KIAA1217: variants seen among roughly 807,000 people sequenced by gnomAD.
KIAA1217 encodes the protein sickle tail protein homolog.
A neutral mutation model predicts 163.9 loss-of-function variants in KIAA1217; 88 were observed. That is an observed-to-expected ratio of 0.54 (90% CI 0.45 to 0.64). The LOEUF (loss-of-function observed/expected upper bound fraction) is 0.64. KIAA1217 is among the 30% of genes least tolerant of loss of function. The probability of loss-of-function intolerance (pLI) is 0.00; values close to 1 mark genes in which losing one functional copy is unlikely to be tolerated. For synonymous variants in KIAA1217, 903 were observed against 923.1 expected, an observed-to-expected ratio of 0.98 and a Z score of 0.39; for missense variants, 2,372 against 2,475.0, an observed-to-expected ratio of 0.96 and a Z score of 0.88.
intron 2 of KIAA1217, among the ~76,000 whole-genome samples, chr10:24,172,868 C>G (rs976677189): frequency 6.6e-6 from 1 of 152,232 alleles, no homozygotes; most frequent in Admixed American, 6.5e-5. Context: ...GACTGTCTGG[C>G]TCATTCCTAA....
intron 1 of KIAA1217, among the ~76,000 whole-genome samples, chr10:23,774,867 T>C (rs951380727): frequency 3.9e-5 from 6 of 152,220 alleles, no homozygotes; most frequent in East Asian, 1.9e-4. Context: ...TTAACATTTT[T>C]TAACAATGTA....
rs367702591 is a variant in KIAA1217 at position 24,329,849 on chromosome 10, G to T, written c.355-51020G>T. ...AGAAATCATAATGGAAAGAGGCTAG[G>T]AATATACACAAAGCCAGCACTGTCT... On this transcript the variant is annotated intron_variant, in intron 2 of 20. Coordinates refer to ENST00000376454, the MANE Select transcript of KIAA1217 (RefSeq NM_019590.5). Among the ~76,000 whole-genome samples the T allele has an allele frequency of 9.2e-5, 14 of 152,224 alleles. No homozygotes were observed. In the East Asian group the frequency reaches 1.4e-3, roughly 15 times the overall value.
At chr10:24,544,599 T>C (rs2075496012) in intron 19 of KIAA1217, 118 bp downstream of exon 19, 2 of 1,261,548 alleles carry the variant, frequency 1.6e-6, no homozygotes, top group Middle Eastern at 2.8e-4. Flanking sequence ...CTTTTTTTTT[T>C]TTGTCTGTTC....
intron 9 of KIAA1217, among the ~76,000 whole-genome samples, chr10:24,503,470 A>G (rs1253941160): frequency 6.6e-6 from 1 of 152,234 alleles, no homozygotes; most frequent in Non-Finnish European, 1.5e-5. Flanking sequence ...AGGGGGTGAC[A>G]AAGTCACATG....
At chr10:23,986,378 G>A (rs1301861896) in intron 1 of KIAA1217, among the ~76,000 whole-genome samples, 1 of 152,192 alleles carries the variant, frequency 6.6e-6, no homozygotes, top group East Asian at 1.9e-4. Context: ...GGATCCTCCA[G>A]TGAATACCAA....
chr10:23,951,824 T>A (rs1844349578), intron 1 of KIAA1217, among the ~76,000 whole-genome samples: 2 of 152,198 alleles, frequency 1.3e-5, no homozygotes, highest in South Asian at 4.1e-4. Context: ...AATTCCTGCC[T>A]AGTATCCTTC....
At chr10:24,075,688 C>T (rs1489139196) in intron 2 of KIAA1217, among the ~76,000 whole-genome samples, 1 of 151,536 alleles carries the variant, frequency 6.6e-6, no homozygotes, top group Non-Finnish European at 1.5e-5. Context: ...ACTGCTACCT[C>T]TGCCTCCTGG....
chr10:24,188,706 C>T (rs1377715847), intron 2 of KIAA1217, among the ~76,000 whole-genome samples: 1 of 152,132 alleles, frequency 6.6e-6, no homozygotes, highest in African/African-American at 2.4e-5. Flanking sequence ...TTTCAGGAGT[C>T]AGCTATTGAA....
chr10:23,991,404 C>G (rs926606862), intron 1 of KIAA1217, among the ~76,000 whole-genome samples: 1 of 152,142 alleles, frequency 6.6e-6, no homozygotes, highest in Non-Finnish European at 1.5e-5. Context: ...TTAGTGGGAA[C>G]ACGAAAGTAC....
At chr10:24,314,812 C>T (rs561781156) in intron 2 of KIAA1217, among the ~76,000 whole-genome samples, 67 of 152,174 alleles carry the variant, frequency 4.4e-4, no homozygotes, top group African/African-American at 1.6e-3. Flanking sequence ...GGCGTGGTGG[C>T]AGGCCCCTGT....
intron 2 of KIAA1217, among the ~76,000 whole-genome samples, chr10:24,156,436 T>C (rs886117305): frequency 2.0e-5 from 3 of 152,358 alleles, no homozygotes; most frequent in East Asian, 3.9e-4. Context: ...AACATTCACA[T>C]AGAGTTTCTA....
At chr10:24,126,022 G>A (rs2063461045) in intron 2 of KIAA1217, among the ~76,000 whole-genome samples, 1 of 151,996 alleles carries the variant, frequency 6.6e-6, no homozygotes, top group South Asian at 2.1e-4. Context: ...AGCTCATTGT[G>A]GATCTATACT....
intron 2 of KIAA1217, among the ~76,000 whole-genome samples, chr10:24,053,808 T>C (rs559754143): frequency 1.4e-3 from 209 of 152,226 alleles, no homozygotes; most frequent in Non-Finnish European, 2.2e-3. Context: ...TATATTTATA[T>C]ACAAAATGGC....
At chr10:24,364,844 C>T (rs763784627) in intron 2 of KIAA1217, among the ~76,000 whole-genome samples, 1 of 151,010 alleles carries the variant, frequency 6.6e-6, no homozygotes, top group Non-Finnish European at 1.5e-5. Flanking sequence ...AGCTGGAGTA[C>T]GTTGGTGTGA....
intron 2 of KIAA1217, among the ~76,000 whole-genome samples, chr10:24,232,935 C>CAAAAAAAAAAAAAAAAAAAAAAAAAAA (rs908492411): frequency 3.6e-5 from 2 of 56,318 alleles, no homozygotes; most frequent in Non-Finnish European, 3.0e-5. Context: ...CTTATCTCTA[C>CAAAAAAAAAAAAAAAAAAAAAAAAAAA]AAAAAAAAAA....
At chr10:24,334,438 TGGAA>T (rs60016533) in intron 2 of KIAA1217, among the ~76,000 whole-genome samples, 1,127 of 82,270 alleles carry the variant, frequency 0.014, 15 homozygotes, top group African/African-American at 0.029. Context: ...GAGGGAAGGA[TGGAA>T]GGAAGGAAGG....
chr10:24,449,508 T>C (rs186246136), intron 5 of KIAA1217: 1 of 985,404 alleles, frequency 1.0e-6, no homozygotes, highest in Non-Finnish European at 1.2e-6. Context: ...GAAAAATGCC[T>C]TCCTACTCAG....
At chr10:24,353,737 A>C (rs2048741073) in intron 2 of KIAA1217, among the ~76,000 whole-genome samples, 1 of 152,198 alleles carries the variant, frequency 6.6e-6, no homozygotes, top group African/African-American at 2.4e-5. Context: ...GGCAATTAGC[A>C]AAGTCTTTTT....
intron 2 of KIAA1217, among the ~76,000 whole-genome samples, chr10:24,373,686 C>T (rs905470030): frequency 6.6e-6 from 1 of 152,076 alleles, no homozygotes; most frequent in African/African-American, 2.4e-5. Flanking sequence ...TGAGGAAGAG[C>T]CCTTTTCTGC....
Sources: allele counts gnomAD v4.1 joint callset (sites outside exome capture counted in the v4.1 genomes callset), GRCh38; gene constraint gnomAD v4.1.1; transcripts MANE v1.5; gene names NCBI Gene and HGNC (gene_info 2026-07-23, HGNC 2026-07-21).